Variants in AFG1L observed in about 807,000 individuals in gnomAD.
AFG1L encodes AFG1 like ATPase.
Under a neutral mutation model 62.2 loss-of-function variants are expected in AFG1L, and 53 were observed. That is an observed-to-expected ratio of 0.85 (90% CI 0.68 to 1.07). AFG1L has a LOEUF of 1.07. Ranked by LOEUF, AFG1L falls within the 50% of genes least tolerant of loss-of-function variation. The probability of loss-of-function intolerance (pLI) is 0.00; values close to 1 mark genes in which losing one functional copy is unlikely to be tolerated. For synonymous variants in AFG1L, 228 were observed against 210.3 expected (o/e 1.08, Z -0.73); for missense variants, 555 against 590.5 (o/e 0.94, Z 0.62).
chr6:108,496,428 G>C (rs1773977605), intron 10 of AFG1L, among the ~76,000 whole-genome samples: 1 of 152,216 alleles, frequency 6.6e-6, no homozygotes, highest in Admixed American at 6.5e-5. Flanking sequence ...TGGGGACACT[G>C]AGGTGAATAG....
intron 3 of AFG1L, among the ~76,000 whole-genome samples, chr6:108,348,166 C>T (rs963670938): frequency 4.3e-4 from 66 of 152,278 alleles, no homozygotes; most frequent in African/African-American, 1.4e-3. Flanking sequence ...GCAAGCTCCG[C>T]CTCCCGGGTT....
chr6:108,318,878 G>A (rs1422329579), intron 1 of AFG1L, among the ~76,000 whole-genome samples: 3 of 152,164 alleles, frequency 2.0e-5, no homozygotes, highest in Non-Finnish European at 2.9e-5. Flanking sequence ...CATAATTTGT[G>A]TACACTGATG....
intron 1 of AFG1L, among the ~76,000 whole-genome samples, chr6:108,302,349 T>C (rs1225770559): frequency 6.6e-6 from 1 of 152,212 alleles, no homozygotes; most frequent in Non-Finnish European, 1.5e-5. Context: ...TGATTTGCTT[T>C]GTTATACTTG....
intron 8 of AFG1L, among the ~76,000 whole-genome samples, chr6:108,449,706 T>C (rs970468422): frequency 6.6e-6 from 1 of 152,144 alleles, no homozygotes; most frequent in African/African-American, 2.4e-5. Context: ...ACCCATTAAC[T>C]CCTCATTTAA....
At chr6:108,352,931 A>C (rs1443168043) in intron 3 of AFG1L, among the ~76,000 whole-genome samples, 2 of 152,056 alleles carry the variant, frequency 1.3e-5, no homozygotes, top group African/African-American at 4.8e-5. Context: ...GGGATGTAGA[A>C]ACTAGATACA....
chr6:108,452,436 T>C (rs1772094243), intron 8 of AFG1L, among the ~76,000 whole-genome samples: 1 of 152,096 alleles, frequency 6.6e-6, no homozygotes, highest in Non-Finnish European at 1.5e-5. Flanking sequence ...CTATAGGTTC[T>C]TTTCTCTACT....
intron 10 of AFG1L, among the ~76,000 whole-genome samples, chr6:108,486,394 A>G (rs1448888368): frequency 6.6e-6 from 1 of 152,200 alleles, no homozygotes; most frequent in African/African-American, 2.4e-5. Context: ...TACATTGCCA[A>G]TTAGAATATT....
At chr6:108,495,545 T>C (rs546518479) in intron 10 of AFG1L, among the ~76,000 whole-genome samples, 2 of 152,360 alleles carry the variant, frequency 1.3e-5, no homozygotes, top group South Asian at 4.1e-4. Context: ...GCATTTCACA[T>C]TGGTGTGGCA....
At chr6:108,454,482 G>A (rs1772176320) in intron 8 of AFG1L, among the ~76,000 whole-genome samples, 1 of 152,116 alleles carries the variant, frequency 6.6e-6, no homozygotes, top group Non-Finnish European at 1.5e-5. Flanking sequence ...ATACCCTCCT[G>A]GTAAGTCTTG....
intron 10 of AFG1L, among the ~76,000 whole-genome samples, chr6:108,506,875 T>C (rs1327551049): frequency 1.3e-5 from 2 of 152,254 alleles, no homozygotes; most frequent in African/African-American, 4.8e-5. Flanking sequence ...GAATTGTTTT[T>C]CTTGTTTATC....
chr6:108,485,650 ATATATATTTTTTTTTTT>A lies in AFG1L; in HGVS notation c.1062+8360_1062+8376del, dbSNP rs1443888139. 1.5e-3 allele frequency among the ~76,000 whole-genome samples: 33 copies of A among 21,834 alleles called. No homozygotes were observed. The East Asian group carries it at 0.027, about 18-fold the overall frequency. 14.3% of individuals were successfully genotyped at this position (21,834 alleles called of 152,430 possible). ...AATATATATATATATATATATATAT[ATATATATTTTTTTTTTT>A]TTTTTTTTTTTTTTTTTTTGAGAGA... On this transcript the variant is annotated intron_variant, in intron 10 of 12. Transcript: ENST00000368977.
chr6:108,328,912 A>T (rs1778163427), intron 2 of AFG1L, among the ~76,000 whole-genome samples: 1 of 152,224 alleles, frequency 6.6e-6, no homozygotes, highest in Non-Finnish European at 1.5e-5. Flanking sequence ...TTTACTGGGT[A>T]GTTGAAATCT....
intron 11 of AFG1L, among the ~76,000 whole-genome samples, chr6:108,518,791 G>C (rs1255626657): frequency 2.0e-5 from 3 of 152,206 alleles, no homozygotes; most frequent in Non-Finnish European, 4.4e-5. Context: ...TAGTCTTTTT[G>C]AAGAATGTCC....
intron 10 of AFG1L, among the ~76,000 whole-genome samples, chr6:108,483,790 G>A (rs1482671282): frequency 2.0e-5 from 3 of 152,072 alleles, no homozygotes; most frequent in African/African-American, 7.2e-5. Flanking sequence ...TTCTTCTTTG[G>A]TTTTTAGTAC....
At chr6:108,318,813 T>C (rs775815371) in intron 1 of AFG1L, among the ~76,000 whole-genome samples, 1 of 152,230 alleles carries the variant, frequency 6.6e-6, no homozygotes, top group Non-Finnish European at 1.5e-5. Context: ...CACTGTCCAT[T>C]TGGAGTACAA....
At position 108,517,184 on chromosome 6, in the gene AFG1L, C is replaced by T. The variant is rs532753605; in HGVS notation, c.1204-2513C>T. 2.5e-4 allele frequency among the ~76,000 whole-genome samples: 38 copies of T among 152,230 alleles called. 1 individual carries two copies. Among genetic ancestry groups the T allele is most frequent in the Admixed American group, 1.6e-3 (24 of 15,294 alleles). On this transcript the variant is annotated intron_variant, in intron 11 of 12. Transcript: ENST00000368977. ...GTTCATATGGAACCAAAAAAGAGCC[C>T]GCATTGCCAAGACAATCCTAAGCCA...
chr6:108,469,215 CT>C lies in AFG1L; in HGVS notation c.891-7647del, dbSNP rs1215320126. 7.2e-5 allele frequency among the ~76,000 whole-genome samples: 11 copies of C among 152,106 alleles called. No individual in the cohort carries two copies. The East Asian group carries it at 1.5e-3, about 21-fold the overall frequency. On this transcript the variant is annotated intron_variant, in intron 8 of 12. Transcript: ENST00000368977. ...TCTCCAAATGTGAATATCTGTAAGT[CT>C]TTCTTTTGGCTATTCAGTTTCCTCC...
Position 108,490,223 on chromosome 6 carries a change from G to A in AFG1L, c.1062+12931G>A, listed in dbSNP as rs143320422. ...AAAATACAAAAATTAGCTGGGTGTG[G>A]TGGCGCATGCCTTTTAGTCACAGCT... is the stretch of plus-strand genomic sequence containing the variant. On this transcript the variant is annotated intron_variant, in intron 10 of 12. Transcript: ENST00000368977. Among the ~76,000 whole-genome samples the A allele has an allele frequency of 1.5e-3, 236 of 152,290 alleles. 6 individuals carry two copies. The highest frequency in any genetic ancestry group is 0.012 in the East Asian group (64 of 5,176).
At chr6:108,385,517 G>A (rs1221440486) in intron 6 of AFG1L, among the ~76,000 whole-genome samples, 2 of 152,100 alleles carry the variant, frequency 1.3e-5, no homozygotes, top group Non-Finnish European at 2.9e-5. Context: ...ATAATCCATA[G>A]AAAAAATGCT....
Sources: allele counts gnomAD v4.1 joint callset (sites outside exome capture counted in the v4.1 genomes callset), GRCh38; gene constraint gnomAD v4.1.1; transcripts MANE v1.5; gene names NCBI Gene and HGNC (gene_info 2026-07-23, HGNC 2026-07-21).